The following RCBTB2 variants were observed in gnomAD, a reference collection of about 807,000 sequenced individuals.
RCBTB2 encodes the protein RCC1 and BTB domain-containing protein 2.
In RCBTB2, 55 loss-of-function variants were observed where a neutral mutation model predicts 65.4. The ratio of observed to expected loss-of-function variants is 0.84; its 90% CI spans 0.68 to 1.05. The LOEUF (loss-of-function observed/expected upper bound fraction) is 1.05. Ranked by LOEUF, RCBTB2 falls within the 50% of genes least tolerant of loss-of-function variation. RCBTB2 has a pLI of 0.00. For missense variants in RCBTB2, 599 were observed against 680.1 expected (o/e 0.88, Z 1.33); for synonymous variants, 220 against 255.2 (o/e 0.86, Z 1.31).
At chr13:48,504,149 G>A (rs143158335) in intron 10 of RCBTB2, 1 of 984,112 alleles carries the variant, frequency 1.0e-6, no homozygotes, top group East Asian at 1.1e-4. Context: ...GGGGGGTCAG[G>A]TACACCCCAC....
At chr13:48,490,655 T>A (rs994656183) in intron 14 of RCBTB2, among the ~76,000 whole-genome samples, 1 of 152,244 alleles carries the variant, frequency 6.6e-6, no homozygotes, top group Admixed American at 6.5e-5. Context: ...TAAGTATGTC[T>A]GCCTATAAAG....
At chr13:48,534,644 A>G (rs941353007), upstream of RCBTB2, among the ~76,000 whole-genome samples, 1 of 152,218 alleles carries the variant, frequency 6.6e-6, no homozygotes, top group African/African-American at 2.4e-5. Flanking sequence ...TTTAAAATAT[A>G]CCTATAAAAG....
intron 14 of RCBTB2, among the ~76,000 whole-genome samples, chr13:48,494,544 C>G (rs1316408619): frequency 6.6e-6 from 1 of 152,176 alleles, no homozygotes; most frequent in Non-Finnish European, 1.5e-5. Flanking sequence ...AACAAAGTCC[C>G]TGCCATGCCT....
chr13:48,500,659 A>C (rs1018900417), intron 12 of RCBTB2, among the ~76,000 whole-genome samples: 4 of 152,212 alleles, frequency 2.6e-5, no homozygotes, highest in Non-Finnish European at 5.9e-5. Context: ...AGGAAGGCCA[A>C]AGACTGTCTG....
At chr13:48,494,354 T>C (rs994110498) in intron 14 of RCBTB2, among the ~76,000 whole-genome samples, 5 of 152,242 alleles carry the variant, frequency 3.3e-5, no homozygotes, top group South Asian at 2.1e-4. Flanking sequence ...TAAGTACATA[T>C]ACAGTCTATT....
At chr13:48,535,763 G>T (rs1420268053), upstream of RCBTB2, 1 of 456,574 alleles carries the variant, frequency 2.2e-6, no homozygotes, top group Non-Finnish European at 4.4e-6. Context: ...GCCTTCAGGT[G>T]GCCCCTGTCT....
chr13:48,512,708 C>A (rs1593715008), intron 7 of RCBTB2, 21 bp downstream of exon 7: 4 of 1,608,084 alleles, frequency 2.5e-6, no homozygotes, highest in East Asian at 4.5e-5. Flanking sequence ...AATCAATGAG[C>A]TTTATGCTGA....
chr13:48,515,394 T>A, intron 5 of RCBTB2, 39 bp from the exon 6 acceptor site: 1 of 1,580,580 alleles, frequency 6.3e-7, no homozygotes, highest in East Asian at 2.2e-5. Flanking sequence ...CAGTTCTATT[T>A]CTAACAAATC....
intron 1 of RCBTB2, chr13:48,532,120 T>C (rs1952167091): frequency 6.6e-6 from 1 of 152,246 alleles, no homozygotes; most frequent in Admixed American, 6.5e-5. Flanking sequence ...CTCGAACTGT[T>C]GCAACATTTT....
chr13:48,519,068 T>C (rs1425492101), intron 4 of RCBTB2, among the ~76,000 whole-genome samples: 1 of 152,174 alleles, frequency 6.6e-6, no homozygotes, highest in Non-Finnish European at 1.5e-5. Flanking sequence ...ATGAGGAAAC[T>C]GGGGCACAGG....
intron 1 of RCBTB2, chr13:48,531,882 A>C (rs538124320): frequency 4.3e-4 from 66 of 152,358 alleles, no homozygotes; most frequent in Middle Eastern, 3.4e-3. Context: ...CACGAAACTG[A>C]CTTAACTAAG....
rs6561451 is a variant in RCBTB2, at chr13:48,512,206, G to C, written c.517-32C>G. The C allele has an allele frequency of 2.0e-3, 3,215 of 1,588,660 alleles. 54 individuals are homozygous for C. In the African/African-American group the frequency reaches 0.039, roughly 19 times the overall value. ...AAAGGAAAGATCAGTAAATGAAACA[G>C]ATTAATTTATAAACTGTCTCAACTG... On this transcript the variant is annotated intron_variant, in intron 7 of 14. Transcript: ENST00000344532.
chr13:48,533,049 G>A lies in RCBTB2; in HGVS notation c.-240C>T. 1 of 454,630 alleles carries A rather than the reference G, an allele frequency of 2.2e-6. No homozygotes were observed. The highest frequency in any genetic ancestry group is 2.0e-5 in the African/African-American group (1 of 49,904). The allele number at this position is 454,630 out of a possible 1,614,324, so 28.2% of individuals were successfully genotyped here. A position where few individuals can be genotyped will look rare whatever the true frequency, so the allele number is the denominator to read the frequency against. On this transcript the variant is annotated 5_prime_UTR_variant, in exon 1 of 15. Transcript: ENST00000344532. ...TTACCTCCTCGCAGGCCGGAGCCTT[G>A]TCCGCTCCGCCTCCTGGGTAGCGGT...
chr13:48,533,531 CA>C (rs1370710819), upstream of RCBTB2, among the ~76,000 whole-genome samples: 4 of 152,178 alleles, frequency 2.6e-5, no homozygotes, highest in African/African-American at 9.7e-5. Flanking sequence ...CCGATCACTT[CA>C]CGTTTTCACC....
chr13:48,522,360 G>A lies in RCBTB2; in HGVS notation c.-76C>T. The A allele has an allele frequency of 1.3e-6, 2 of 1,523,796 alleles. No individual in the cohort carries two copies. The highest frequency in any genetic ancestry group is 2.4e-5 in the East Asian group (1 of 40,828). The allele number at this position is 1,523,796 out of a possible 1,614,324, so 94.4% of individuals were successfully genotyped here. Reference sequence around the variant, plus strand: ...AAGTTCCAAATCACGGGGAAGAGCGGACATCAATTCTCAGCTCCACAGAAG... The same window carrying A: ...AAGTTCCAAATCACGGGGAAGAGCGAACATCAATTCTCAGCTCCACAGAAG... On this transcript the variant is annotated 5_prime_UTR_variant, in exon 3 of 15. Coordinates refer to ENST00000344532, the MANE Select transcript of RCBTB2 (RefSeq NM_001268.4).
At chr13:48,517,522 G>A (rs949271666) in intron 4 of RCBTB2, among the ~76,000 whole-genome samples, 2 of 151,970 alleles carry the variant, frequency 1.3e-5, no homozygotes, top group Non-Finnish European at 2.9e-5. Flanking sequence ...TTCTGATCAC[G>A]GCCAACAGTA....
intron 14 of RCBTB2, among the ~76,000 whole-genome samples, chr13:48,493,307 A>ACTCTCTCTCTCTCTCTCT (rs1483026433): frequency 1.1e-4 from 7 of 63,174 alleles, no homozygotes; most frequent in Admixed American, 3.3e-4. Flanking sequence ...ACACACACAC[A>ACTCTCTCTCTCTCTCTCT]CACACACACT....
rs1034541451 is a variant in RCBTB2 at position 48,524,391 on chromosome 13, G to A, written c.-120+268C>T. Among the ~76,000 whole-genome samples the A allele has an allele frequency of 2.6e-5, 4 of 152,176 alleles. No individual in the cohort carries two copies. The East Asian group carries it at 7.7e-4, about 29-fold the overall frequency. On this transcript the variant is annotated intron_variant, in intron 2 of 14. Transcript: ENST00000344532. ...AGTTATTCTGTGCCAGGCACTAAGT[G>A]CCTCACCTTATTTAATCTTTATAAT...
Position 48,512,419 on chromosome 13 carries a change from CA to C in RCBTB2, c.517-246del, listed in dbSNP as rs112374167. 2.4e-4 allele frequency among the ~76,000 whole-genome samples: 36 copies of C among 152,222 alleles called. 2 individuals are homozygous for C. Among genetic ancestry groups the C allele is most frequent in the African/African-American group, 8.2e-4 (34 of 41,534 alleles). On this transcript the variant is annotated intron_variant, in intron 7 of 14. Coordinates refer to ENST00000344532, the MANE Select transcript of RCBTB2 (RefSeq NM_001268.4). ...AATTACTATTAAATAAAATGTAACA[CA>C]AAAGTATCTACTTTGCCCCAGCCAT... is the stretch of plus-strand genomic sequence containing the variant.
Sources: gnomAD v4.1 joint callset for allele counts (sites outside exome capture counted in the v4.1 genomes callset) on GRCh38, gnomAD v4.1.1 for gene constraint, MANE v1.5 for transcripts, NCBI Gene and HGNC (gene_info 2026-07-23, HGNC 2026-07-21) for gene names.